The following TLCD2 variants were observed in gnomAD, a reference collection of about 807,000 sequenced individuals.
The protein encoded by TLCD2 is TLC domain-containing protein 2.
Under a neutral mutation model 14.0 loss-of-function variants are expected in TLCD2, and 12 were observed. The ratio of observed to expected loss-of-function variants is 0.86; its 90% CI spans 0.55 to 1.39. The LOEUF (loss-of-function observed/expected upper bound fraction) is 1.39, where lower values mean the gene tolerates loss of function less well. TLCD2 is among the 40% of genes most tolerant of loss of function. The pLI is 0.00. For synonymous variants in TLCD2, 166 were observed against 156.5 expected (o/e 1.06, Z -0.45); for missense variants, 360 against 346.8 (o/e 1.04, Z -0.30).
chr17:1,707,613 G>A lies in TLCD2; in HGVS notation c.*157C>T. On this transcript the variant is annotated 3_prime_UTR_variant, in exon 4 of 4. Coordinates refer to ENST00000330676, the MANE Select transcript of TLCD2 (RefSeq NM_001164407.2). ...CATCCAACATCAGCATTTCTTCTTA[G>A]ATCCGAGGAAGGGGAAGGGATGTGA... The A allele has an allele frequency of 1.6e-6, 1 of 608,428 alleles. No homozygotes were observed. The allele number at this position is 608,428 out of a possible 1,614,324, so 37.7% of individuals were successfully genotyped here. A position where few individuals can be genotyped will look rare whatever the true frequency, so the allele number is the denominator to read the frequency against.
intron 3 of TLCD2, among the ~76,000 whole-genome samples, chr17:1,709,151 G>A (rs1914135200): frequency 1.3e-5 from 2 of 152,302 alleles, no homozygotes; most frequent in African/African-American, 2.4e-5. Context: ...CACTTTGGAA[G>A]GCTGAAGTGG....
chr17:1,708,457 C>T (rs934934792), intron 3 of TLCD2, among the ~76,000 whole-genome samples: 3 of 148,300 alleles, frequency 2.0e-5, no homozygotes, highest in Non-Finnish European at 3.0e-5. Flanking sequence ...CCCCCTTAAC[C>T]TCCCATTCCT....
At chr17:1,709,923 G>T (rs926023571) in intron 1 of TLCD2, 37 bp from the exon 2 acceptor site, 1 of 1,516,996 alleles carries the variant, frequency 6.6e-7, no homozygotes, top group Non-Finnish European at 8.8e-7. Context: ...GGGGGGCATG[G>T]TCAGCCTCTC....
rs766234819 is a variant in TLCD2 at position 1,710,288 on chromosome 17, G to A, written c.-46C>T. On this transcript the variant is annotated 5_prime_UTR_variant, in exon 1 of 4. Transcript: ENST00000330676. The surrounding 1 kb of genome is among the most constrained non-coding windows in gnomAD (Gnocchi z 6.1). ...GCGGGGAGTCCGGGTCGGTCCCCTC[G>A]GCGCCCGCGCTCTCGGCCGGGACTG... 27 of 1,418,614 alleles carry A rather than the reference G, an allele frequency of 1.9e-5. No homozygotes were observed. The highest frequency in any genetic ancestry group is 2.6e-4 in the Middle Eastern group (1 of 3,914). The allele number at this position is 1,418,614 out of a possible 1,614,324, so 87.9% of individuals were successfully genotyped here. A position where few individuals can be genotyped will look rare whatever the true frequency, so the allele number is the denominator to read the frequency against.
rs1914032185 is a variant in TLCD2 at position 1,706,375 on chromosome 17, T to G, written c.*1395A>C. On this transcript the variant is annotated 3_prime_UTR_variant, in exon 4 of 4. Transcript: ENST00000330676. The stretch of plus-strand genomic sequence containing the variant: ...GCCTGGGCCTGGGAAAACTCTGTAC[T>G]GGGCACCTTTCCTTCTGTAATTCTA... The G allele has an allele frequency of 6.6e-6, 1 of 152,334 alleles. No individual in the cohort carries two copies. Among genetic ancestry groups the G allele is most frequent in the South Asian group, 2.1e-4 (1 of 4,836 alleles). The allele number at this position is 152,334 out of a possible 1,614,324, so 9.4% of individuals were successfully genotyped here. A position where few individuals can be genotyped will look rare whatever the true frequency, so the allele number is the denominator to read the frequency against.
Position 1,707,747 on chromosome 17 carries a change from A to C in TLCD2, c.*23T>G. ...TCCTTGTCCTGGCCCCACCTCCCCC[A>C]GCGAGGGGCCCATGGCTTCTCTCTA... On this transcript the variant is annotated 3_prime_UTR_variant, in exon 4 of 4. Transcript: ENST00000330676. The C allele has an allele frequency of 6.8e-7, 1 of 1,461,528 alleles. No individual in the cohort carries two copies. Among genetic ancestry groups the C allele is most frequent in the Non-Finnish European group, 9.0e-7 (1 of 1,106,866 alleles). 90.5% of individuals were successfully genotyped at this position (1,461,528 alleles called of 1,614,324 possible). A position where few individuals can be genotyped will look rare whatever the true frequency, so the allele number is the denominator to read the frequency against.
At chr17:1,708,534 T>C (rs1434815936) in intron 3 of TLCD2, among the ~76,000 whole-genome samples, 2 of 135,760 alleles carry the variant, frequency 1.5e-5, no homozygotes, top group Non-Finnish European at 3.1e-5. Flanking sequence ...GCCACCAGGC[T>C]GGAGTGCAGT....
Position 1,707,562 on chromosome 17 carries a change from A to C in TLCD2, c.*208T>G. 1 of 506,362 alleles carries C rather than the reference A, an allele frequency of 2.0e-6. No homozygotes were observed. Among genetic ancestry groups the C allele is most frequent in the East Asian group, 3.1e-5 (1 of 31,928 alleles). 31.4% of individuals were successfully genotyped at this position (506,362 alleles called of 1,614,324 possible). On this transcript the variant is annotated 3_prime_UTR_variant, in exon 4 of 4. Transcript: ENST00000330676. ...GGATGCTCATCTGATGACGGATTTCAGTGAACAGAAACCCAGGTTCCCACC... is the reference window on the plus strand; with the variant it reads ...GGATGCTCATCTGATGACGGATTTCCGTGAACAGAAACCCAGGTTCCCACC...
At chr17:1,708,324 G>A in intron 3 of TLCD2, 102 bp from the exon 4 acceptor site, 1 of 916,032 alleles carries the variant, frequency 1.1e-6, no homozygotes, top group Admixed American at 2.9e-5. Flanking sequence ...AGTCTGTGGG[G>A]CTCCCCAAAC....
rs1348271386 is a variant in TLCD2, at chr17:1,709,810, A to G, written c.253T>C (p.Ser85Pro). The G allele has an allele frequency of 1.3e-6, 2 of 1,528,938 alleles. No homozygotes were observed. The highest frequency in any genetic ancestry group is 1.8e-6 in the Non-Finnish European group (2 of 1,140,866). The allele number at this position is 1,528,938 out of a possible 1,614,324, so 94.7% of individuals were successfully genotyped here. Residue 85 changes from serine (S) to proline (P), a missense_variant, in exon 2 of 4, where the codon TCT (serine) becomes CCT (proline). Ser to Pro is a moderately conservative substitution (Grantham distance 74, BLOSUM62 -1). Coordinates refer to ENST00000330676, the MANE Select transcript of TLCD2 (RefSeq NM_001164407.2). ...GCCTTCCCTGCAGACTCACCCACAGACACAGCCACCAGCACCAGAGCCCAG... is the reference window on the plus strand; with the variant it reads ...GCCTTCCCTGCAGACTCACCCACAGGCACAGCCACCAGCACCAGAGCCCAG... Reference protein sequence around the residue: ...PRWALVLVAVSVGYFLADGAD... With the variant: ...PRWALVLVAVPVGYFLADGAD...
chr17:1,710,309 G>T lies in TLCD2; in HGVS notation c.-67C>A. On this transcript the variant is annotated 5_prime_UTR_variant, in exon 1 of 4. Transcript: ENST00000330676. The surrounding 1 kb of genome is among the most constrained non-coding windows in gnomAD (Gnocchi z 6.1). ...CCTCGGCGCCCGCGCTCTCGGCCGG[G>T]ACTGGGAACCCGTTTCCCGGCAGGG... 3 of 1,363,514 alleles carry T rather than the reference G, an allele frequency of 2.2e-6. No individual in the cohort carries two copies. The highest frequency in any genetic ancestry group is 3.2e-5 in the South Asian group (2 of 63,226). The allele number at this position is 1,363,514 out of a possible 1,614,324, so 84.5% of individuals were successfully genotyped here.
intron 3 of TLCD2, among the ~76,000 whole-genome samples, chr17:1,708,479 CTTTTTTTT>C (rs70956738): frequency 2.1e-5 from 1 of 47,844 alleles, no homozygotes; most frequent in African/African-American, 6.8e-5. Context: ...GGCTTGCTTG[CTTTTTTTT>C]TTTTTTTTTT....
Position 1,708,155 on chromosome 17 carries a change from A to G in TLCD2, c.410T>C (p.Leu137Pro). 1 of 1,536,672 alleles carries G rather than the reference A, an allele frequency of 6.5e-7. No individual in the cohort carries two copies. The highest frequency in any genetic ancestry group is 8.7e-7 in the Non-Finnish European group (1 of 1,146,876). Residue 137 changes from leucine (L) to proline (P), a missense_variant, in exon 4 of 4, where the codon CTC (leucine) becomes CCC (proline). Coordinates refer to ENST00000330676, the MANE Select transcript of TLCD2 (RefSeq NM_001164407.2). ...HYVGFSMVSL[L>P]LELNSACLHL... ...CAAGCAGGCAGAGTTCAGTTCCAGG[A>G]GCAGAGACACCATGGAGAAGCCCAC...
rs8068949 is a variant in TLCD2 at position 1,703,589 on chromosome 17, T to G, written c.*4181A>C. ...CGCCACCACGCCCGGCTAATTTTTT[T>G]TATTTTTAGTAGAGATGGGATTTCA... On this transcript the variant is annotated 3_prime_UTR_variant, in exon 4 of 4. Coordinates refer to ENST00000330676, the MANE Select transcript of TLCD2 (RefSeq NM_001164407.2). The G allele has an allele frequency of 0.55, 83,708 of 151,746 alleles. 23,909 individuals are homozygous for G. Among genetic ancestry groups the G allele is most frequent in the East Asian group, 0.74 (3,812 of 5,140 alleles). The allele number at this position is 151,746 out of a possible 1,614,324, so 9.4% of individuals were successfully genotyped here.
At position 1,704,801 on chromosome 17, in the gene TLCD2, G is replaced by T. The variant is rs1230278495; in HGVS notation, c.*2969C>A. The T allele has an allele frequency of 2.0e-5, 3 of 149,064 alleles. No homozygotes were observed. The highest frequency in any genetic ancestry group is 4.4e-5 in the Non-Finnish European group (3 of 67,418). The allele number at this position is 149,064 out of a possible 1,614,324, so 9.2% of individuals were successfully genotyped here. ...CATTATAACAACCTCGGCCTCCCAGGTTCAAACGATTCTCCTGCCTCAGCC... is the reference window on the plus strand; with the variant it reads ...CATTATAACAACCTCGGCCTCCCAGTTTCAAACGATTCTCCTGCCTCAGCC... On this transcript the variant is annotated 3_prime_UTR_variant, in exon 4 of 4. Transcript: ENST00000330676.
In TLCD2 at chr17:1,707,935, C is replaced by T; in HGVS notation, c.630G>A (p.Val210=). The T allele has an allele frequency of 6.5e-7, 1 of 1,537,280 alleles. No homozygotes were observed. The highest frequency in any genetic ancestry group is 8.7e-7 in the Non-Finnish European group (1 of 1,146,920). The change falls in exon 4 of 4, where the codon GTG becomes GTA. Residue 210 remains valine (V), a synonymous_variant. Coordinates refer to ENST00000330676, the MANE Select transcript of TLCD2 (RefSeq NM_001164407.2). ...VTLGGIGLVT[V]GIMSIILGIR... ...TCCCCAATATGATGCTCATGATGCC[C>T]ACAGTGACCAGCCCAATTCCACCCA... is the stretch of plus-strand genomic sequence containing the variant.
intron 2 of TLCD2, 72 bp from the exon 3 acceptor site, chr17:1,709,653 G>T: frequency 4.8e-6 from 3 of 627,930 alleles, no homozygotes; most frequent in Non-Finnish European, 7.3e-6. Flanking sequence ...CAGCCCCCCC[G>T]CCCCGCCCCT....
intron 3 of TLCD2, 146 bp downstream of exon 3, chr17:1,709,353 G>A: frequency 1.5e-6 from 1 of 662,512 alleles, no homozygotes; most frequent in South Asian, 2.0e-5. Context: ...CCGAACCACT[G>A]GACCCCAGCC....
rs146511044 is a variant in TLCD2 at position 1,706,435 on chromosome 17, C to T, written c.*1335G>A. The T allele has an allele frequency of 6.8e-4, 103 of 152,292 alleles. No homozygotes were observed. Among genetic ancestry groups the T allele is most frequent in the African/African-American group, 2.4e-3 (99 of 41,552 alleles). 9.4% of individuals were successfully genotyped at this position (152,292 alleles called of 1,614,324 possible). A position where few individuals can be genotyped will look rare whatever the true frequency, so the allele number is the denominator to read the frequency against. ...GCCGTCCTAAGAAGACAAACCAGCC[C>T]TGTGTTCATTCCTCTAAGAATCCGA... On this transcript the variant is annotated 3_prime_UTR_variant, in exon 4 of 4. Transcript: ENST00000330676.
Sources: allele counts gnomAD v4.1 joint callset (sites outside exome capture counted in the v4.1 genomes callset), GRCh38; gene constraint gnomAD v4.1.1; non-coding constraint Gnocchi (gnomAD v3.1); transcripts MANE v1.5; gene names NCBI Gene and HGNC (gene_info 2026-07-23, HGNC 2026-07-21).